The following SCMH1 variants were observed in gnomAD, a reference collection of about 807,000 sequenced individuals.
The protein encoded by SCMH1 is polycomb protein SCMH1.
SCMH1 carries 37 observed loss-of-function variants against 70.8 expected under a neutral mutation model. That is an observed-to-expected ratio of 0.52 (90% confidence interval 0.40 to 0.69). SCMH1 has a LOEUF of 0.69. Ranked by LOEUF, SCMH1 falls within the 30% of genes least tolerant of loss-of-function variation. SCMH1 has a pLI of 0.00. For missense variants in SCMH1, 607 were observed against 827.3 expected (o/e 0.73, Z 3.27); for synonymous variants, 292 against 307.4 (o/e 0.95, Z 0.52).
intron 1 of SCMH1, among the ~76,000 whole-genome samples, chr1:41,186,515 C>T (rs1045384193): frequency 6.6e-6 from 1 of 152,118 alleles, no homozygotes; most frequent in Non-Finnish European, 1.5e-5. Context: ...AATTTAGTTT[C>T]CAGCTAACCA....
At chr1:41,125,957 T>C (rs190435371) in intron 6 of SCMH1, among the ~76,000 whole-genome samples, 4 of 152,272 alleles carry the variant, frequency 2.6e-5, no homozygotes, top group Admixed American at 2.0e-4. Flanking sequence ...GGAAAATACA[T>C]ATGTATATAC....
intron 6 of SCMH1, among the ~76,000 whole-genome samples, chr1:41,132,341 G>A (rs1442116284): frequency 1.3e-5 from 2 of 152,168 alleles, no homozygotes; most frequent in Non-Finnish European, 2.9e-5. Context: ...CTGCATAAAT[G>A]TCTTCTTTTG....
Position 41,028,326 on chromosome 1 carries a change from G to A in SCMH1, c.1822-7C>T, listed in dbSNP as rs2148473810. On this transcript the variant is annotated splice_polypyrimidine_tract_variant and splice_region_variant and intron_variant, in intron 14 of 14. Transcript: ENST00000337495. ...GGGCCTTGCCATCGATCTCCTGGGG[G>A]GTGGGGAGGTGGGCAGAAGTGGAAG... 1 of 1,613,608 alleles carries A rather than the reference G, an allele frequency of 6.2e-7. No individual in the cohort carries two copies. The highest frequency in any genetic ancestry group is 1.7e-4 in the Middle Eastern group (1 of 6,050).
intron 9 of SCMH1, among the ~76,000 whole-genome samples, chr1:41,073,266 G>C (rs1250328687): frequency 6.6e-6 from 1 of 152,146 alleles, no homozygotes; most frequent in Admixed American, 6.5e-5. Flanking sequence ...AGATTTAACT[G>C]TTCCTTTTAT....
intron 1 of SCMH1, among the ~76,000 whole-genome samples, chr1:41,206,530 T>A (rs373401296): frequency 1.3e-5 from 2 of 152,060 alleles, no homozygotes; most frequent in East Asian, 1.9e-4. Flanking sequence ...AAACCTCCAA[T>A]AAATATGGGA....
intron 12 of SCMH1, among the ~76,000 whole-genome samples, chr1:41,040,689 A>AC (rs1389946628): frequency 1.3e-5 from 2 of 151,636 alleles, no homozygotes; most frequent in Middle Eastern, 3.4e-3. Context: ...ACATGGAGAA[A>AC]CCCCGTCTCT....
At chr1:41,110,355 T>C (rs1668972043) in intron 8 of SCMH1, among the ~76,000 whole-genome samples, 1 of 152,234 alleles carries the variant, frequency 6.6e-6, no homozygotes, top group African/African-American at 2.4e-5. Flanking sequence ...CCTACATTTG[T>C]GTTTTCTAAG....
At chr1:41,067,890 A>G (rs1459429806) in intron 10 of SCMH1, among the ~76,000 whole-genome samples, 2 of 152,182 alleles carry the variant, frequency 1.3e-5, no homozygotes, top group Non-Finnish European at 2.9e-5. Context: ...GAGACAATGT[A>G]TGTGTAGGGG....
chr1:41,170,087 T>G (rs923176338), intron 2 of SCMH1, among the ~76,000 whole-genome samples: 1 of 152,224 alleles, frequency 6.6e-6, no homozygotes, highest in African/African-American at 2.4e-5. Flanking sequence ...CTTCATTTCT[T>G]AAGTCCCTTC....
chr1:41,036,769 T>A (rs1645358809), intron 13 of SCMH1, among the ~76,000 whole-genome samples: 1 of 152,224 alleles, frequency 6.6e-6, no homozygotes, highest in South Asian at 2.1e-4. Context: ...CCTGGTATAA[T>A]CAGTGCTATT....
intron 11 of SCMH1, 127 bp from the exon 12 acceptor site, chr1:41,046,725 G>GTTTCCTCCCTCCCTCCCT: frequency 1.4e-6 from 1 of 721,626 alleles, no homozygotes; most frequent in Non-Finnish European, 2.4e-6. Flanking sequence ...AGTGCCCCAC[G>GTTTCCTCCCTCCCTCCCT]TTTCCTCCCT....
intron 10 of SCMH1, among the ~76,000 whole-genome samples, chr1:41,054,392 T>G (rs528639134): frequency 6.6e-6 from 1 of 152,304 alleles, no homozygotes; most frequent in East Asian, 1.9e-4. Flanking sequence ...CTTAAAAACA[T>G]GTACACACAC....
intron 1 of SCMH1, among the ~76,000 whole-genome samples, chr1:41,189,039 C>T (rs1450462177): frequency 2.6e-5 from 4 of 152,166 alleles, no homozygotes; most frequent in African/African-American, 7.2e-5. Context: ...AGCAGAACAT[C>T]TACTCACTGT....
chr1:41,033,907 G>GGCA (rs1644904391), intron 13 of SCMH1, 76 bp downstream of exon 14: 3 of 1,603,520 alleles, frequency 1.9e-6, no homozygotes, highest in South Asian at 2.2e-5. Flanking sequence ...GTGCCAGGAG[G>GGCA]GCAGCCTATC....
chr1:41,108,551 TG>T (rs1172695294), intron 8 of SCMH1, among the ~76,000 whole-genome samples: 1 of 152,268 alleles, frequency 6.6e-6, no homozygotes, highest in African/African-American at 2.4e-5. Flanking sequence ...AAAAAGCTTC[TG>T]CCTTTTATAA....
chr1:41,231,239 C>T (rs1661242497), intron 1 of SCMH1, among the ~76,000 whole-genome samples: 1 of 152,170 alleles, frequency 6.6e-6, no homozygotes, highest in African/African-American at 2.4e-5. Flanking sequence ...ACCTAGTATA[C>T]ATTCTGGCAC....
At chr1:41,140,402 C>T (rs1369998642) in intron 6 of SCMH1, among the ~76,000 whole-genome samples, 3 of 152,056 alleles carry the variant, frequency 2.0e-5, no homozygotes, top group Non-Finnish European at 2.9e-5. Flanking sequence ...AACTGATTCT[C>T]CTGCCTCAGC....
At chr1:41,058,375 C>CTTTTTTTTTT (rs1252087982) in intron 10 of SCMH1, among the ~76,000 whole-genome samples, 6 of 38,982 alleles carry the variant, frequency 1.5e-4, no homozygotes, top group Admixed American at 8.8e-4. Context: ...CATTTTCTTT[C>CTTTTTTTTTT]TTGTTTTTTT....
chr1:41,133,104 T>C (rs1642646788), intron 6 of SCMH1, among the ~76,000 whole-genome samples: 1 of 152,214 alleles, frequency 6.6e-6, no homozygotes, highest in African/African-American at 2.4e-5. Flanking sequence ...TTGATGGGGA[T>C]AGCACTGAAC....
Sources: gnomAD v4.1 joint callset for allele counts (sites outside exome capture counted in the v4.1 genomes callset) on GRCh38, gnomAD v4.1.1 for gene constraint, MANE v1.5 for transcripts, NCBI Gene and HGNC (gene_info 2026-07-23, HGNC 2026-07-21) for gene names.